Variants in OMA1 observed in about 807,000 individuals in gnomAD.
OMA1 encodes OMA1 zinc metallopeptidase.
In OMA1, 38 loss-of-function variants were observed where a neutral mutation model predicts 30.9. The observed-to-expected ratio is 1.23, with a 90% CI of 0.95 to 1.61. The LOEUF is 1.61. Ranked by LOEUF, OMA1 falls within the 40% of genes most tolerant of loss-of-function variation. OMA1 has a pLI of 0.00. For synonymous variants in OMA1, 173 were observed against 121.9 expected (o/e 1.42, Z -2.76); for missense variants, 461 against 349.2 (o/e 1.32, Z -2.55).
At chr1:58,507,949 G>A (rs1380739424) in intron 7 of OMA1, among the ~76,000 whole-genome samples, 7 of 152,026 alleles carry the variant, frequency 4.6e-5, no homozygotes, top group Admixed American at 4.6e-4. Flanking sequence ...ACAAATTCAC[G>A]AATTATCTAA....
At chr1:58,485,228 T>TA (rs71043289) in intron 8 of OMA1, among the ~76,000 whole-genome samples, 3,502 of 41,952 alleles carry the variant, frequency 0.083, 337 homozygotes, top group East Asian at 0.26. Flanking sequence ...AGTCTACTAC[T>TA]AAAAAAAAAA....
At chr1:58,489,703 G>C (rs1402241399) in intron 8 of OMA1, among the ~76,000 whole-genome samples, 6 of 152,172 alleles carry the variant, frequency 3.9e-5, no homozygotes, top group African/African-American at 1.2e-4. Flanking sequence ...AGTAGGGGCA[G>C]ACTGACACCT....
intron 3 of OMA1, among the ~76,000 whole-genome samples, chr1:58,534,927 G>A (rs1646493705): frequency 1.3e-5 from 2 of 152,176 alleles, no homozygotes; most frequent in Admixed American, 6.5e-5. Flanking sequence ...GGGTGACAGA[G>A]GGAGATCCCA....
At chr1:58,510,427 T>G (rs1444169566) in intron 7 of OMA1, among the ~76,000 whole-genome samples, 2 of 152,038 alleles carry the variant, frequency 1.3e-5, no homozygotes, top group Non-Finnish European at 2.9e-5. Flanking sequence ...TTAAACATCC[T>G]TTCATAATAA....
intron 7 of OMA1, among the ~76,000 whole-genome samples, chr1:58,511,946 C>G (rs1646084188): frequency 6.6e-6 from 1 of 152,024 alleles, no homozygotes; most frequent in Admixed American, 6.6e-5. Context: ...CTCTGCACAG[C>G]TAAGGAAACA....
chr1:58,516,684 C>T (rs527617842), intron 7 of OMA1, among the ~76,000 whole-genome samples: 1 of 152,108 alleles, frequency 6.6e-6, no homozygotes, highest in Non-Finnish European at 1.5e-5. Flanking sequence ...TGAGTAACAT[C>T]GTTTTTGTGA....
intron 8 of OMA1, among the ~76,000 whole-genome samples, chr1:58,505,143 GGTT>G (rs1645967423): frequency 1.3e-5 from 2 of 152,046 alleles, no homozygotes; most frequent in Non-Finnish European, 2.9e-5. Context: ...GTAGAGACAG[GGTT>G]TCACCCCGTT....
intron 7 of OMA1, among the ~76,000 whole-genome samples, chr1:58,512,829 C>T (rs1448046684): frequency 6.6e-6 from 1 of 152,082 alleles, no homozygotes; most frequent in Non-Finnish European, 1.5e-5. Context: ...ATCTGATATA[C>T]AGCATGTGCC....
Position 58,531,666 on chromosome 1 carries a change from CTTTGCCTCAAAACACAAATGTGTGT to C in OMA1, c.1012-962_1012-938del, listed in dbSNP as rs536930589. On this transcript the variant is annotated intron_variant, in intron 5 of 8. Transcript: ENST00000371226. Reference sequence around the variant, plus strand: ...TTACCTCCTTATATTTGCCTCATTACTTTGCCTCAAAACACAAATGTGTGTTTTGAAAAACAATTATGGATTTATC... The same window carrying C: ...TTACCTCCTTATATTTGCCTCATTACTTTGAAAAACAATTATGGATTTATC... Among the ~76,000 whole-genome samples the C allele has an allele frequency of 6.6e-5, 10 of 152,082 alleles. No homozygotes were observed. The South Asian group carries it at 1.0e-3, about 16-fold the overall frequency.
At chr1:58,502,524 A>G (rs1645922705) in intron 8 of OMA1, among the ~76,000 whole-genome samples, 1 of 152,222 alleles carries the variant, frequency 6.6e-6, no homozygotes, top group African/African-American at 2.4e-5. Flanking sequence ...TGAGGGGAAC[A>G]TAACTTCACC....
intron 8 of OMA1, among the ~76,000 whole-genome samples, chr1:58,489,401 G>A (rs1263646666): frequency 6.6e-6 from 1 of 152,228 alleles, no homozygotes; most frequent in Admixed American, 6.5e-5. Context: ...GGGGAGGGGT[G>A]CCTGCCATTG....
At chr1:58,498,397 C>T (rs1645841217) in intron 8 of OMA1, among the ~76,000 whole-genome samples, 1 of 151,934 alleles carries the variant, frequency 6.6e-6, no homozygotes, top group African/African-American at 2.4e-5. Flanking sequence ...GAAACTAGTC[C>T]CTTTACTACC....
At chr1:58,532,145 G>C (rs773553321) in intron 5 of OMA1, among the ~76,000 whole-genome samples, 4 of 152,126 alleles carry the variant, frequency 2.6e-5, no homozygotes, top group South Asian at 2.1e-4. Flanking sequence ...ACAAAAACCT[G>C]TATTTGTAGA....
intron 8 of OMA1, among the ~76,000 whole-genome samples, chr1:58,492,614 A>G (rs1645717714): frequency 6.6e-6 from 1 of 152,204 alleles, no homozygotes; most frequent in Admixed American, 6.5e-5. Flanking sequence ...AATACAAACT[A>G]CCATCAGAGA....
At chr1:58,488,677 C>G (rs895758614) in intron 8 of OMA1, among the ~76,000 whole-genome samples, 25 of 152,166 alleles carry the variant, frequency 1.6e-4, no homozygotes, top group African/African-American at 5.5e-4. Context: ...GTCTTGAACT[C>G]CCGACCTCAG....
intron 7 of OMA1, among the ~76,000 whole-genome samples, chr1:58,518,695 T>A (rs752552457): frequency 6.6e-6 from 1 of 151,998 alleles, no homozygotes; most frequent in Non-Finnish European, 1.5e-5. Flanking sequence ...GGTAGTATAT[T>A]CATTGGGAAA....
chr1:58,506,161 A>G lies in OMA1; in HGVS notation c.1264T>C (p.Phe422Leu). 2 of 872,010 alleles carry G rather than the reference A, an allele frequency of 2.3e-6. No individual in the cohort carries two copies. Among genetic ancestry groups the G allele is most frequent in the South Asian group, 2.6e-5 (2 of 76,468 alleles). The allele number at this position is 872,010 out of a possible 1,614,324, so 54.0% of individuals were successfully genotyped here. The change falls in exon 8 of 9, where the codon TTC becomes CTC. Residue 422 changes from phenylalanine to leucine, a missense_variant. By Grantham distance (22) the Phe-to-Leu change is conservative. Coordinates refer to ENST00000371226, the MANE Select transcript of OMA1 (RefSeq NM_145243.5). ...GGTTGGCCATGCAGGCTATCAACGAACTCCATTTGCTGCCAAAACACTGAA... is the reference window on the plus strand; with the variant it reads ...GGTTGGCCATGCAGGCTATCAACGAGCTCCATTTGCTGCCAAAACACTGAA... ...ASSVFWQQME[F>L]VDSLHGQPKM...
chr1:58,543,410 A>G (rs1015437901), intron 1 of OMA1, among the ~76,000 whole-genome samples: 7 of 152,172 alleles, frequency 4.6e-5, no homozygotes, highest in African/African-American at 1.7e-4. Flanking sequence ...TTAGCATCCA[A>G]AATATCTCAG....
intron 2 of OMA1, among the ~76,000 whole-genome samples, chr1:58,537,016 A>G (rs1299048328): frequency 6.6e-6 from 1 of 152,096 alleles, no homozygotes; most frequent in Non-Finnish European, 1.5e-5. Context: ...CTAGTTTACT[A>G]TAACTACCAC....
Sources: allele counts gnomAD v4.1 joint callset (sites outside exome capture counted in the v4.1 genomes callset), GRCh38; gene constraint gnomAD v4.1.1; transcripts MANE v1.5; gene names NCBI Gene and HGNC (gene_info 2026-07-23, HGNC 2026-07-21).